Variants in PCDHGA7 observed in about 807,000 individuals in gnomAD.
PCDHGA7 encodes the protein protocadherin gamma-A7.
Under a neutral mutation model 58.3 loss-of-function variants are expected in PCDHGA7, and 44 were observed. The observed-to-expected ratio is 0.75, with a 90% CI of 0.59 to 0.97. The LOEUF (loss-of-function observed/expected upper bound fraction) is 0.97, where lower values mean the gene tolerates loss of function less well. PCDHGA7 is among the 50% of genes least tolerant of loss of function. The pLI, the probability that PCDHGA7 is intolerant of heterozygous loss-of-function variation, is 0.00. For missense variants in PCDHGA7, 1,266 were observed against 1,188.7 expected (o/e 1.06, Z -0.96); for synonymous variants, 516 against 504.2 (o/e 1.02, Z -0.31).
At chr5:141,506,076 T>C (rs2154593839) in intron 3 of PCDHGA7, among the ~76,000 whole-genome samples, 1 of 152,244 alleles carries the variant, frequency 6.6e-6, no homozygotes, top group South Asian at 2.1e-4. Flanking sequence ...TCCTTTGTAA[T>C]AGAGATTCGG....
Position 141,491,349 on chromosome 5 carries a change from C to G in PCDHGA7, c.2425-3458C>G. 6.2e-7 allele frequency: 1 copy of G among 1,614,168 alleles called. No individual in the cohort carries two copies. Among genetic ancestry groups the G allele is most frequent in the Non-Finnish European group, 8.5e-7 (1 of 1,180,016 alleles). ...TTGTGGCTCTAGCGACCGTCAGTCT[C>G]TTATCCCTAGTCACCTTCACCTTTC... is the stretch of plus-strand genomic sequence containing the variant. On this transcript the variant is annotated intron_variant, in intron 1 of 3. Transcript: ENST00000518325. The surrounding 1 kb of genome is among the most constrained non-coding windows in gnomAD (Gnocchi z 6.9).
intron 1 of PCDHGA7, chr5:141,390,387 T>C: frequency 1.4e-6 from 2 of 1,425,596 alleles, no homozygotes; most frequent in Non-Finnish European, 1.9e-6. Flanking sequence ...TTAGATGTCA[T>C]GGATCATTTT....
intron 1 of PCDHGA7, among the ~76,000 whole-genome samples, chr5:141,456,854 T>C (rs924765803): frequency 7.2e-5 from 11 of 151,950 alleles, no homozygotes; most frequent in Non-Finnish European, 1.3e-4. Context: ...TCCCAGCTAA[T>C]TGGGAGGCTG....
intron 1 of PCDHGA7, chr5:141,427,973 C>G (rs754410723): frequency 3.1e-6 from 5 of 1,593,936 alleles, no homozygotes; most frequent in Non-Finnish European, 3.4e-6. Flanking sequence ...TGCTGTACCC[C>G]GCGCTGGGGC....
At chr5:141,470,388 T>C (rs1234907080) in intron 1 of PCDHGA7, among the ~76,000 whole-genome samples, 4 of 152,198 alleles carry the variant, frequency 2.6e-5, no homozygotes, top group African/African-American at 9.6e-5. Flanking sequence ...TACTCGATGA[T>C]ATTTAGGATT....
chr5:141,393,939 T>C (rs1488586975), intron 1 of PCDHGA7: 2 of 1,613,856 alleles, frequency 1.2e-6, no homozygotes, highest in Non-Finnish European at 8.5e-7. Context: ...TGACCAAGAC[T>C]CTGGAAAGAA....
intron 1 of PCDHGA7, among the ~76,000 whole-genome samples, chr5:141,446,175 G>A (rs1288608276): frequency 1.3e-5 from 2 of 152,276 alleles, no homozygotes; most frequent in Non-Finnish European, 2.9e-5. Context: ...AGGGCAGGGG[G>A]TGTTTTGTTT....
At chr5:141,470,323 A>G (rs1029928511) in intron 1 of PCDHGA7, among the ~76,000 whole-genome samples, 1 of 152,188 alleles carries the variant, frequency 6.6e-6, no homozygotes, top group Non-Finnish European at 1.5e-5. Context: ...AAATGATCCC[A>G]TAATTTGACC....
At chr5:141,478,808 T>C in intron 1 of PCDHGA7, 1 of 1,459,124 alleles carries the variant, frequency 6.9e-7, no homozygotes, top group African/African-American at 1.4e-5. Flanking sequence ...TCTTTTGCTA[T>C]CACAACTAAC....
chr5:141,403,482 A>C (rs764737675), intron 1 of PCDHGA7: 2 of 1,613,892 alleles, frequency 1.2e-6, no homozygotes, highest in Non-Finnish European at 1.7e-6. Flanking sequence ...CCCAATCACC[A>C]CTTCTCCCTG....
At chr5:141,439,207 C>A (rs1003519997) in intron 1 of PCDHGA7, among the ~76,000 whole-genome samples, 1 of 149,828 alleles carries the variant, frequency 6.7e-6, no homozygotes, top group Non-Finnish European at 1.5e-5. Context: ...AAAAAAAAAT[C>A]CATATGTGAA....
chr5:141,394,705 C>T lies in PCDHGA7; in HGVS notation c.2424+9382C>T, dbSNP rs1245348426. 6.2e-7 allele frequency: 1 copy of T among 1,613,256 alleles called. No individual in the cohort carries two copies. The highest frequency in any genetic ancestry group is 1.7e-5 in the Admixed American group (1 of 60,012). ...ACGGGCGAGGTGCGCACGGCGCGAG[C>T]CCTGCTGGACAGAGATGCGCTCAAG... On this transcript the variant is annotated intron_variant, in intron 1 of 3. Coordinates refer to ENST00000518325, the MANE Select transcript of PCDHGA7 (RefSeq NM_018920.4).
intron 1 of PCDHGA7, chr5:141,400,422 TA>T: frequency 6.2e-7 from 1 of 1,614,054 alleles, no homozygotes; most frequent in Non-Finnish European, 8.5e-7. Context: ...TCCTAAAATG[TA>T]GTGAGCAATT....
chr5:141,487,689 A>G lies in PCDHGA7; in HGVS notation c.2425-7118A>G. 6.2e-7 allele frequency: 1 copy of G among 1,605,144 alleles called. No homozygotes were observed. The highest frequency in any genetic ancestry group is 1.7e-4 in the Middle Eastern group (1 of 6,050). ...GGCATATGGCTAGGCCATGTCCTAG[A>G]GAGTACTGGCCTCTCAGTAAGTGCC... On this transcript the variant is annotated intron_variant, in intron 1 of 3. Coordinates refer to ENST00000518325, the MANE Select transcript of PCDHGA7 (RefSeq NM_018920.4). This position sits in a 1 kb window ranked among gnomAD's most constrained non-coding sequence, Gnocchi z 5.0.
intron 1 of PCDHGA7, chr5:141,426,750 G>A (rs1287163824): frequency 2.2e-6 from 1 of 456,160 alleles, no homozygotes; most frequent in Non-Finnish European, 4.4e-6. Context: ...CCTGGAATCT[G>A]CTATAGATGC....
intron 1 of PCDHGA7, chr5:141,414,676 CA>C (rs779931467): frequency 5.6e-5 from 91 of 1,613,916 alleles, no homozygotes; most frequent in Middle Eastern, 1.6e-4. Context: ...AGACACCATC[CA>C]GGGGGTACCT....
intron 1 of PCDHGA7, among the ~76,000 whole-genome samples, chr5:141,454,538 C>G (rs1229435473): frequency 6.6e-6 from 1 of 152,110 alleles, no homozygotes; most frequent in African/African-American, 2.4e-5. Context: ...TCCCAAGTAG[C>G]TGAGATTACA....
At chr5:141,405,326 T>TGC in intron 1 of PCDHGA7, 1 of 1,614,220 alleles carries the variant, frequency 6.2e-7, no homozygotes, top group Non-Finnish European at 8.5e-7. Flanking sequence ...TGAGCCTTTG[T>TGC]GCGTCTCTGT....
intron 1 of PCDHGA7, among the ~76,000 whole-genome samples, chr5:141,405,652 G>GT (rs1479754913): frequency 6.6e-6 from 1 of 152,034 alleles, no homozygotes; most frequent in Non-Finnish European, 1.5e-5. Flanking sequence ...TTTTTTGTGT[G>GT]TTTTTAGTAG....
Sources: allele counts gnomAD v4.1 joint callset (sites outside exome capture counted in the v4.1 genomes callset), GRCh38; gene constraint gnomAD v4.1.1; non-coding constraint Gnocchi (gnomAD v3.1); transcripts MANE v1.5; gene names NCBI Gene and HGNC (gene_info 2026-07-23, HGNC 2026-07-21).